The following UNC79 variants were observed in gnomAD, a reference collection of about 807,000 sequenced individuals.
UNC79 encodes the protein unc-79 subunit of NALCN channel complex, also known as protein unc-79 homolog.
A neutral mutation model predicts 283.1 loss-of-function variants in UNC79; 37 were observed. The observed-to-expected ratio is 0.13, with a 90% confidence interval of 0.10 to 0.17. The LOEUF (loss-of-function observed/expected upper bound fraction) is 0.17. Ranked by LOEUF, UNC79 falls within the 10% of genes least tolerant of loss-of-function variation. The probability of loss-of-function intolerance (pLI) is 1.00; values close to 1 mark genes in which losing one functional copy is unlikely to be tolerated. For synonymous variants in UNC79, 1,107 were observed against 1,200.2 expected (o/e 0.92, Z 1.61); for missense variants, 2,272 against 3,211.1 (o/e 0.71, Z 7.07).
At chr14:93,666,891 T>C (rs1365811537) in intron 40 of UNC79, among the ~76,000 whole-genome samples, 2 of 151,822 alleles carry the variant, frequency 1.3e-5, no homozygotes, top group Non-Finnish European at 2.9e-5. Context: ...ATTAATGAAA[T>C]AAAAAACAGA....
At chr14:93,585,317 A>T (rs904831283) in intron 20 of UNC79, among the ~76,000 whole-genome samples, 1 of 152,132 alleles carries the variant, frequency 6.6e-6, no homozygotes, top group Non-Finnish European at 1.5e-5. Context: ...TCAGGCAGTG[A>T]TCTGGAGCTC....
chr14:93,355,213 A>C (rs2054061747), intron 1 of UNC79, among the ~76,000 whole-genome samples: 1 of 151,330 alleles, frequency 6.6e-6, no homozygotes, highest in South Asian at 2.1e-4. Context: ...TTTCCCCCTG[A>C]GACAGAGTTT....
intron 18 of UNC79, 60 bp from the exon 19 acceptor site, chr14:93,580,089 C>G: frequency 1.4e-6 from 2 of 1,459,038 alleles, no homozygotes; most frequent in Non-Finnish European, 1.9e-6. Flanking sequence ...GGACCAAACT[C>G]CTTCTTCTTC....
At chr14:93,452,698 A>T (rs1042532069) in intron 1 of UNC79, among the ~76,000 whole-genome samples, 2 of 152,066 alleles carry the variant, frequency 1.3e-5, no homozygotes, top group African/African-American at 4.8e-5. Flanking sequence ...GAATTTTTTA[A>T]ATTGATAACA....
At chr14:93,700,632 T>C (rs572976802) in intron 47 of UNC79, among the ~76,000 whole-genome samples, 2 of 152,208 alleles carry the variant, frequency 1.3e-5, no homozygotes, top group Non-Finnish European at 2.9e-5. Context: ...TATAAAATAT[T>C]CTTAAGCTGT....
intron 34 of UNC79, among the ~76,000 whole-genome samples, chr14:93,645,785 A>G (rs1270215472): frequency 2.6e-5 from 4 of 151,988 alleles, no homozygotes; most frequent in East Asian, 1.9e-4. Context: ...ATGTTTATCT[A>G]TTTTTTGTAG....
exon 38 of UNC79, chr14:93,655,401 T>A (rs1354475185): frequency 6.2e-7 from 1 of 1,613,438 alleles, no homozygotes; most frequent in Non-Finnish European, 8.5e-7. Flanking sequence ...GTGTTTTACC[T>A]CTGAAGGTAA....
chr14:93,664,603 T>A (rs2071965498), intron 40 of UNC79, among the ~76,000 whole-genome samples: 2 of 152,178 alleles, frequency 1.3e-5, no homozygotes, highest in South Asian at 4.1e-4. Context: ...TTGGAAAGAA[T>A]ACATTCTTAT....
At chr14:93,456,232 G>T (rs2056793778) in intron 1 of UNC79, among the ~76,000 whole-genome samples, 1 of 151,986 alleles carries the variant, frequency 6.6e-6, no homozygotes, top group South Asian at 2.1e-4. Flanking sequence ...ATCTTGTTTG[G>T]CTTCTGATAT....
Position 93,339,334 on chromosome 14 carries a change from G to C in UNC79, c.-351+5811G>C, listed in dbSNP as rs200588374. Reference sequence around the variant, plus strand: ...TTTTTTTTTGAGACAGAGTCTCACTGTGTTGCCCAGGCTGGAGTGCAGTGG... The same window carrying C: ...TTTTTTTTTGAGACAGAGTCTCACTCTGTTGCCCAGGCTGGAGTGCAGTGG... On this transcript the variant is annotated intron_variant, in intron 1 of 49. Transcript: ENST00000256339. Among the ~76,000 whole-genome samples the C allele has an allele frequency of 2.1e-3, 319 of 151,822 alleles. 5 individuals are homozygous for C. The East Asian group carries it at 0.023, about 11-fold the overall frequency.
At chr14:93,505,677 A>C (rs765538967) in intron 7 of UNC79, among the ~76,000 whole-genome samples, 1 of 151,406 alleles carries the variant, frequency 6.6e-6, no homozygotes, top group Non-Finnish European at 1.5e-5. Flanking sequence ...TTAAATCCAC[A>C]ATTTTCTATT....
At position 93,524,171 on chromosome 14, in the gene UNC79, T is replaced by C. The variant is rs1467096627; in HGVS notation, c.963+129T>C. 3 of 994,858 alleles carry C rather than the reference T, an allele frequency of 3.0e-6. No homozygotes were observed. In the East Asian group the frequency reaches 7.5e-5, roughly 25 times the overall value. 61.6% of individuals were successfully genotyped at this position (994,858 alleles called of 1,614,324 possible). A position where few individuals can be genotyped will look rare whatever the true frequency, so the allele number is the denominator to read the frequency against. ...TCTGTAGTAATTCGAAGTACCTCCATATTCAATCTGATTGTACTTTGGCAG... is the reference window on the plus strand; with the variant it reads ...TCTGTAGTAATTCGAAGTACCTCCACATTCAATCTGATTGTACTTTGGCAG... On this transcript the variant is annotated intron_variant, in intron 8 of 48. Transcript: ENST00000555664.
At chr14:93,651,482 G>A (rs2070251464) in intron 35 of UNC79, among the ~76,000 whole-genome samples, 1 of 151,988 alleles carries the variant, frequency 6.6e-6, no homozygotes, top group Non-Finnish European at 1.5e-5. Flanking sequence ...TAGAGGTCTT[G>A]CCATTTTTGT....
At chr14:93,636,485 T>C (rs993280818) in intron 31 of UNC79, among the ~76,000 whole-genome samples, 2 of 152,184 alleles carry the variant, frequency 1.3e-5, no homozygotes, top group African/African-American at 2.4e-5. Flanking sequence ...AAACTACACA[T>C]GTAGCTTCAG....
At chr14:93,417,900 G>T (rs1026870007) in intron 1 of UNC79, among the ~76,000 whole-genome samples, 4 of 151,588 alleles carry the variant, frequency 2.6e-5, no homozygotes, top group African/African-American at 9.7e-5. Context: ...TGTCTGTATT[G>T]GTTATTCTAG....
In UNC79 at chr14:93,535,033, T is replaced by C. The variant is rs550711786; in HGVS notation, c.1122+2455T>C. On this transcript the variant is annotated intron_variant, in intron 11 of 48. Transcript: ENST00000555664. ...ATGGTATATTTGAAATAAGCAATGA[T>C]AGCATCGTGATTGGAAAGATGAAGA... is the stretch of plus-strand genomic sequence containing the variant. Among the ~76,000 whole-genome samples the C allele has an allele frequency of 2.0e-5, 3 of 152,336 alleles. No individual in the cohort carries two copies. The South Asian group carries it at 6.2e-4, about 32-fold the overall frequency.
intron 43 of UNC79, 149 bp downstream of exon 46, chr14:93,686,810 A>G: frequency 2.5e-6 from 2 of 810,066 alleles, no homozygotes; most frequent in Non-Finnish European, 3.9e-6. Flanking sequence ...TCAAAGAGCC[A>G]GGGTCCAGCT....
intron 1 of UNC79, among the ~76,000 whole-genome samples, chr14:93,374,762 G>T (rs1476386026): frequency 2.0e-5 from 3 of 152,110 alleles, no homozygotes; most frequent in Admixed American, 6.5e-5. Flanking sequence ...ATGCAAGCTG[G>T]TCTCAAACTC....
At chr14:93,626,495 C>T (rs1230094440) in intron 30 of UNC79, among the ~76,000 whole-genome samples, 1 of 152,096 alleles carries the variant, frequency 6.6e-6, no homozygotes, top group Admixed American at 6.5e-5. Flanking sequence ...AGCCTGCAAA[C>T]ATAATCTTAT....
Sources: gnomAD v4.1 joint callset for allele counts (sites outside exome capture counted in the v4.1 genomes callset) on GRCh38, gnomAD v4.1.1 for gene constraint, MANE v1.5 for transcripts, NCBI Gene and HGNC (gene_info 2026-07-23, HGNC 2026-07-21) for gene names.